Variants in PNPLA7 observed in about 807,000 individuals in gnomAD.
PNPLA7 encodes the protein patatin like domain 7, lysophospholipase, also known as patatin-like phospholipase domain-containing protein 7.
A neutral mutation model predicts 161.7 loss-of-function variants in PNPLA7; 153 were observed. That is an observed-to-expected ratio of 0.95 (90% CI 0.83 to 1.08). PNPLA7 has a LOEUF of 1.08. Ranked by LOEUF, PNPLA7 falls within the 50% of genes least tolerant of loss-of-function variation. PNPLA7 has a pLI of 0.00. For missense variants in PNPLA7, 1,739 were observed against 1,856.6 expected (o/e 0.94, Z 1.16); for synonymous variants, 809 against 782.1 (o/e 1.03, Z -0.57).
rs762743248 is a variant in PNPLA7, at chr9:137,460,633, C to G, written c.3945+1G>C. On this transcript the variant is annotated splice_donor_variant, in intron 34 of 34. Transcript: ENST00000406427. LOFTEE classifies it high-confidence loss of function. The stretch of plus-strand genomic sequence containing the variant: ...AGGTGGGACCATGCCCAGCTCCTCA[C>G]CAAGTCTGAGCCCTGCTGGGCTGAG... 3 of 1,611,656 alleles carry G rather than the reference C, an allele frequency of 1.9e-6. No homozygotes were observed. The highest frequency in any genetic ancestry group is 2.5e-6 in the Non-Finnish European group (3 of 1,179,288).
At position 137,515,525 on chromosome 9, in the gene PNPLA7, G is replaced by A; in HGVS notation, c.1085-6C>T. 6.5e-7 allele frequency: 1 copy of A among 1,539,656 alleles called. No individual in the cohort carries two copies. On this transcript the variant is annotated splice_region_variant and splice_polypyrimidine_tract_variant and intron_variant, in intron 11 of 34. Transcript: ENST00000406427. ...CGGGCGGCCGCCCCCGTGATCTGCTGGGGAGGCAGCCGTAAGCAACCTTGT... is the reference window on the plus strand; with the variant it reads ...CGGGCGGCCGCCCCCGTGATCTGCTAGGGAGGCAGCCGTAAGCAACCTTGT...
At position 137,523,751 on chromosome 9, in the gene PNPLA7, A is replaced by C. The variant is rs1200374816; in HGVS notation, c.748-894T>G. Among the ~76,000 whole-genome samples, 1 of 151,596 alleles carries C rather than the reference A, an allele frequency of 6.6e-6. No individual in the cohort carries two copies. Among genetic ancestry groups the C allele is most frequent in the African/African-American group, 2.4e-5 (1 of 41,192 alleles). ...ACACCATTCTCCTGCCTCAGCCTCC[A>C]CAGTAGCTGGGGCTACAAGCGCCCG... On this transcript the variant is annotated intron_variant, in intron 8 of 34. Transcript: ENST00000406427. The surrounding 1 kb of genome is among the most constrained non-coding windows in gnomAD (Gnocchi z 4.4).
chr9:137,484,665 C>G lies in PNPLA7; in HGVS notation c.2269G>C (p.Val757Leu). The G allele has an allele frequency of 1.2e-6, 2 of 1,612,576 alleles. No homozygotes were observed. Among genetic ancestry groups the G allele is most frequent in the Non-Finnish European group, 1.7e-6 (2 of 1,179,424 alleles). The change falls in exon 21 of 35, where the codon GTG (valine) becomes CTG (leucine). Residue 757 changes from valine to leucine, a missense_variant. Physicochemically the swap from Val to Leu is conservative, Grantham distance 32. This residue lies in a region of PNPLA7 where 192 missense variants were observed against 249.5 expected (regional missense o/e 0.77). Coordinates refer to ENST00000406427, the MANE Select transcript of PNPLA7 (RefSeq NM_001098537.3). Reference protein sequence around the residue: ...LGNPAVNLSTVAVMPVSEEVP... With the variant: ...LGNPAVNLSTLAVMPVSEEVP... ...TCCTCTGACACGGGCATCACTGCCA[C>G]CGTGGACAGGTTGACAGCCGGGTTC...
intron 25 of PNPLA7, among the ~76,000 whole-genome samples, chr9:137,471,576 T>C (rs1394897541): frequency 2.2e-5 from 3 of 135,878 alleles, no homozygotes; most frequent in Non-Finnish European, 4.6e-5. Context: ...CCAGCCTGGG[T>C]AACAGAGCAA....
intron 20 of PNPLA7, among the ~76,000 whole-genome samples, chr9:137,487,034 C>T (rs1832522200): frequency 6.7e-6 from 1 of 149,366 alleles, no homozygotes. Context: ...TCATCCCTGA[C>T]CCAACTCGAC....
chr9:137,463,358 G>T, intron 29 of PNPLA7, 57 bp downstream of exon 29: 2 of 1,456,188 alleles, frequency 1.4e-6, no homozygotes, highest in Non-Finnish European at 1.9e-6. Flanking sequence ...GGGGCCGTGG[G>T]GCGGCGTGAC....
intron 18 of PNPLA7, among the ~76,000 whole-genome samples, chr9:137,496,037 T>A (rs1311619659): frequency 2.0e-5 from 3 of 150,528 alleles, no homozygotes; most frequent in Admixed American, 2.0e-4. Flanking sequence ...ACACGGCACC[T>A]CCGACCTCAG....
chr9:137,481,286 G>A (rs950716926), intron 21 of PNPLA7, among the ~76,000 whole-genome samples: 6 of 152,212 alleles, frequency 3.9e-5, no homozygotes, highest in African/African-American at 7.2e-5. Context: ...AGGAGGCCTC[G>A]GGTAGCCTCT....
chr9:137,513,767 T>C (rs1233208586), intron 12 of PNPLA7, among the ~76,000 whole-genome samples: 1 of 151,944 alleles, frequency 6.6e-6, no homozygotes, highest in Non-Finnish European at 1.5e-5. Flanking sequence ...GGGAAGAGAA[T>C]CTCCAAAAGT....
chr9:137,503,766 A>AGAG (rs1833669419), intron 14 of PNPLA7, among the ~76,000 whole-genome samples: 2 of 13,274 alleles, frequency 1.5e-4, no homozygotes, highest in African/African-American at 8.0e-4. Context: ...AAAGAAAGAA[A>AGAG]AAGAAGAAAA....
rs1831559343 is a variant in PNPLA7, at chr9:137,468,120, G to A, written c.2883-647C>T. On this transcript the variant is annotated intron_variant, in intron 25 of 34. Coordinates refer to ENST00000406427, the MANE Select transcript of PNPLA7 (RefSeq NM_001098537.3). This position sits in a 1 kb window ranked among gnomAD's most constrained non-coding sequence, Gnocchi z 4.0. Reference sequence around the variant, plus strand: ...GGAGGAGCCTGGGAAGCATCCTGAGGGGCAGCACCCCAGGAGTCAGATGAG... The same window carrying A: ...GGAGGAGCCTGGGAAGCATCCTGAGAGGCAGCACCCCAGGAGTCAGATGAG... Among the ~76,000 whole-genome samples, 1 of 151,768 alleles carries A rather than the reference G, an allele frequency of 6.6e-6. No individual in the cohort carries two copies. The highest frequency in any genetic ancestry group is 1.5e-5 in the Non-Finnish European group (1 of 67,956).
At chr9:137,532,336 C>G (rs1311545409) in intron 8 of PNPLA7, among the ~76,000 whole-genome samples, 4 of 152,232 alleles carry the variant, frequency 2.6e-5, no homozygotes, top group African/African-American at 9.6e-5. Flanking sequence ...ACTCGGGAGG[C>G]TGAAGCACAA....
Position 137,505,772 on chromosome 9 carries a change from C to T in PNPLA7, c.1327-12G>A, listed in dbSNP as rs374933775. 191 of 1,613,130 alleles carry T rather than the reference C, an allele frequency of 1.2e-4. No homozygotes were observed. The Admixed American group carries it at 1.8e-3, about 15-fold the overall frequency. ...ACGCTTTTCCTGGACTGGAGAAGAA[C>T]GGAGATACCGGCAATTCGAAGGGAT... On this transcript the variant is annotated splice_polypyrimidine_tract_variant and intron_variant, in intron 13 of 34. Transcript: ENST00000406427.
Position 137,540,118 on chromosome 9 carries a change from C to T in PNPLA7, c.747+524G>A, listed in dbSNP as rs28410647. On this transcript the variant is annotated intron_variant, in intron 8 of 34. Coordinates refer to ENST00000406427, the MANE Select transcript of PNPLA7 (RefSeq NM_001098537.3). This position sits in a 1 kb window ranked among gnomAD's most constrained non-coding sequence, Gnocchi z 5.1. ...CTTTCAAAATTACAAGTCTGCATCC[C>T]TGGGACCCTGCAAGTCCACCCTAGG... Among the ~76,000 whole-genome samples the T allele has an allele frequency of 9.7e-4, 147 of 152,322 alleles. No individual in the cohort carries two copies. Among genetic ancestry groups the T allele is most frequent in the African/African-American group, 3.5e-3 (145 of 41,578 alleles).
At chr9:137,475,476 G>A (rs566485310) in intron 25 of PNPLA7, among the ~76,000 whole-genome samples, 3 of 152,266 alleles carry the variant, frequency 2.0e-5, no homozygotes, top group South Asian at 4.1e-4. Flanking sequence ...CCCGGTTCAC[G>A]CCATTCTCCT....
At chr9:137,491,924 G>A in intron 20 of PNPLA7, 1 of 985,470 alleles carries the variant, frequency 1.0e-6, no homozygotes, top group South Asian at 4.7e-5. Flanking sequence ...GGGAGGCCAG[G>A]GAGGCTGTGC....
At chr9:137,498,040 C>T (rs112458631) in intron 17 of PNPLA7, 74 bp downstream of exon 17, 49 of 1,563,254 alleles carry the variant, frequency 3.1e-5, no homozygotes, top group African/African-American at 2.0e-4. Flanking sequence ...CCACGGTAAC[C>T]GTGCTTTGCC....
At chr9:137,488,484 C>A (rs1386654393) in intron 20 of PNPLA7, among the ~76,000 whole-genome samples, 5 of 152,186 alleles carry the variant, frequency 3.3e-5, no homozygotes, top group Non-Finnish European at 7.3e-5. Context: ...CAGTCATGAT[C>A]AGAGAGGGAC....
rs138864087 is a variant in PNPLA7, at chr9:137,500,808, G to A, written c.1640C>T (p.Thr547Met). Residue 547 changes from threonine (T) to methionine (M), a missense_variant, in exon 16 of 35, where the codon ACG becomes ATG. Physicochemically the swap from Thr to Met is moderately conservative, Grantham distance 81. Coordinates refer to ENST00000406427, the MANE Select transcript of PNPLA7 (RefSeq NM_001098537.3). The surrounding 1 kb of genome is among the most constrained non-coding windows in gnomAD (Gnocchi z 5.5). The stretch of plus-strand genomic sequence containing the variant: ...CTGGCCCACCATCTCCCCGGGGCGC[G>A]TGAGGAACAAGCAGGTGTCCTCCTG... ...GSQEDTCLFL[T>M]RPGEMVGQLA... 70 of 1,608,496 alleles carry A rather than the reference G, an allele frequency of 4.4e-5. No individual in the cohort carries two copies. Among genetic ancestry groups the A allele is most frequent in the South Asian group, 3.1e-4 (28 of 90,102 alleles).
Sources: allele counts gnomAD v4.1 joint callset (sites outside exome capture counted in the v4.1 genomes callset), GRCh38; gene constraint gnomAD v4.1.1; regional missense constraint gnomAD v4.1.1; non-coding constraint Gnocchi (gnomAD v3.1); transcripts MANE v1.5; gene names NCBI Gene and HGNC (gene_info 2026-07-23, HGNC 2026-07-21).